TMEM45B: variants seen among roughly 807,000 people sequenced by gnomAD.
TMEM45B encodes transmembrane protein 45B.
Under a neutral mutation model 27.3 loss-of-function variants are expected in TMEM45B, and 29 were observed. The ratio of observed to expected loss-of-function variants is 1.06; its 90% confidence interval spans 0.79 to 1.45. The LOEUF is 1.45. TMEM45B is among the 40% of genes most tolerant of loss of function. TMEM45B has a pLI of 0.00. For missense variants in TMEM45B, 348 were observed against 343.9 expected, an observed-to-expected ratio of 1.01 and a Z score of -0.09; for synonymous variants, 143 against 134.7, an observed-to-expected ratio of 1.06 and a Z score of -0.43.
intron 1 of TMEM45B, among the ~76,000 whole-genome samples, chr11:129,838,338 C>T (rs765751957): frequency 4.6e-5 from 7 of 152,180 alleles, no homozygotes; most frequent in South Asian, 2.1e-4. Context: ...GAAGCCAGGG[C>T]GCCACCACCA....
chr11:129,824,750 T>A (rs1947458876), intron 1 of TMEM45B, among the ~76,000 whole-genome samples: 1 of 152,256 alleles, frequency 6.6e-6, no homozygotes, highest in Non-Finnish European at 1.5e-5. Flanking sequence ...CACTATATAA[T>A]TTTAATATAA....
chr11:129,828,306 G>A (rs991741544), intron 1 of TMEM45B: 1 of 152,176 alleles, frequency 6.6e-6, no homozygotes, highest in African/African-American at 2.4e-5. Context: ...GTGAAATCGT[G>A]CCAGAACAAG....
intron 3 of TMEM45B, among the ~76,000 whole-genome samples, chr11:129,855,243 T>C (rs1396548038): frequency 6.6e-6 from 1 of 152,150 alleles, no homozygotes; most frequent in African/African-American, 2.4e-5. Flanking sequence ...CTCTACCTTT[T>C]GCCCAGGGAG....
rs772606174 is a variant in TMEM45B at position 129,857,315 on chromosome 11, T to A, written c.573T>A (p.Ile191=). The change falls in exon 5 of 6, where the codon ATT becomes ATA. Residue 191 remains isoleucine (I), a splice_region_variant and synonymous_variant. Transcript: ENST00000281441. ...AACTTCTCTCTGTAATCCCCTAGATTGGGTTTGTGCTGTTCCCACCTTTTG... is the reference window on the plus strand; with the variant it reads ...AACTTCTCTCTGTAATCCCCTAGATAGGGTTTGTGCTGTTCCCACCTTTTG... ...IILQGTWFWQ[I]GFVLFPPFGT... 6.2e-7 allele frequency: 1 copy of A among 1,613,904 alleles called. No homozygotes were observed. Among genetic ancestry groups the A allele is most frequent in the Non-Finnish European group, 8.5e-7 (1 of 1,179,926 alleles).
rs759790508 is a variant in TMEM45B, at chr11:129,857,314, T to C, written c.572T>C (p.Ile191Thr). Residue 191 changes from isoleucine to threonine, a missense_variant and splice_region_variant, in exon 5 of 6, where the codon ATT (isoleucine) becomes ACT (threonine). Physicochemically the swap from Ile to Thr is moderately conservative, Grantham distance 89 (BLOSUM62 -1). Coordinates refer to ENST00000281441, the MANE Select transcript of TMEM45B (RefSeq NM_138788.5). ...IILQGTWFWQ[I>T]GFVLFPPFGT... Reference sequence around the variant, plus strand: ...CAACTTCTCTCTGTAATCCCCTAGATTGGGTTTGTGCTGTTCCCACCTTTT... The same window carrying C: ...CAACTTCTCTCTGTAATCCCCTAGACTGGGTTTGTGCTGTTCCCACCTTTT... 6.2e-7 allele frequency: 1 copy of C among 1,614,016 alleles called. No individual in the cohort carries two copies. The highest frequency in any genetic ancestry group is 1.1e-5 in the South Asian group (1 of 91,052).
At chr11:129,842,494 A>G (rs1947708240) in intron 1 of TMEM45B, among the ~76,000 whole-genome samples, 1 of 152,248 alleles carries the variant, frequency 6.6e-6, no homozygotes. Context: ...ACCCACTCAT[A>G]TAAGGTTAAC....
At chr11:129,857,558 C>T in intron 5 of TMEM45B, 100 bp downstream of exon 5, 1 of 1,363,794 alleles carries the variant, frequency 7.3e-7, no homozygotes, top group Non-Finnish European at 1.0e-6. Flanking sequence ...AGGCCAAATT[C>T]TGTGCAAGGT....
At chr11:129,847,096 GA>G (rs1481242235) in intron 1 of TMEM45B, among the ~76,000 whole-genome samples, 1 of 152,338 alleles carries the variant, frequency 6.6e-6, no homozygotes, top group African/African-American at 2.4e-5. Flanking sequence ...GGGTGGGGAA[GA>G]GGGAGAGGCT....
intron 1 of TMEM45B, among the ~76,000 whole-genome samples, chr11:129,843,163 A>T (rs926153088): frequency 6.6e-6 from 1 of 152,188 alleles, no homozygotes; most frequent in African/African-American, 2.4e-5. Flanking sequence ...CTGGTCTTGA[A>T]TTCCTCACCT....
At chr11:129,845,974 A>C (rs993486893) in intron 1 of TMEM45B, among the ~76,000 whole-genome samples, 1 of 152,256 alleles carries the variant, frequency 6.6e-6, no homozygotes, top group African/African-American at 2.4e-5. Flanking sequence ...ACAGACAGCC[A>C]GTTCAATTTT....
intron 1 of TMEM45B, among the ~76,000 whole-genome samples, chr11:129,819,979 G>GA (rs1179995903): frequency 1.4e-4 from 21 of 152,176 alleles, no homozygotes; most frequent in Non-Finnish European, 2.5e-4. Context: ...GAACCAGAGA[G>GA]AATCTAGTGT....
At position 129,852,623 on chromosome 11, in the gene TMEM45B, C is replaced by T. The variant is rs1947864411; in HGVS notation, c.141C>T (p.Ile47=). 4 of 1,611,962 alleles carry T rather than the reference C, an allele frequency of 2.5e-6. No homozygotes were observed. The highest frequency in any genetic ancestry group is 1.7e-6 in the Non-Finnish European group (2 of 1,178,292). The stretch of plus-strand genomic sequence containing the variant: ...TACATTACTATCAGCGTCTCGAGAT[C>T]GTCGAAGCCGCAATTAGGACTTTGT... The part of the protein sequence containing the change: ...SPLHYYQRLE[I]VEAAIRTLFS... The change falls in exon 2 of 6, where the codon ATC becomes ATT. Residue 47 remains isoleucine, a synonymous_variant. Coordinates refer to ENST00000281441, the MANE Select transcript of TMEM45B (RefSeq NM_138788.5).
At chr11:129,830,571 G>T (rs2135563550) in intron 1 of TMEM45B, among the ~76,000 whole-genome samples, 1 of 152,236 alleles carries the variant, frequency 6.6e-6, no homozygotes, top group East Asian at 1.9e-4. Context: ...GAAAATATTT[G>T]CAAATAATAT....
intron 1 of TMEM45B, among the ~76,000 whole-genome samples, chr11:129,822,787 T>C (rs1017937223): frequency 6.6e-6 from 1 of 152,148 alleles, no homozygotes; most frequent in African/African-American, 2.4e-5. Context: ...GTACAACTAA[T>C]TTACTTTTTG....
At position 129,858,805 on chromosome 11, in the gene TMEM45B, T is replaced by G. The variant is rs978508477; in HGVS notation, c.*120T>G. On this transcript the variant is annotated 3_prime_UTR_variant, in exon 6 of 6. Transcript: ENST00000281441. ...GGGTCTATATATTTGCACCTCCTCATTCAACACAGGGCTGGAGGTTCTACA... is the reference window on the plus strand; with the variant it reads ...GGGTCTATATATTTGCACCTCCTCAGTCAACACAGGGCTGGAGGTTCTACA... The G allele has an allele frequency of 7.7e-6, 5 of 651,750 alleles. No individual in the cohort carries two copies. The African/African-American group carries it at 9.1e-5, about 12-fold the overall frequency. The allele number at this position is 651,750 out of a possible 1,614,324, so 40.4% of individuals were successfully genotyped here.
intron 4 of TMEM45B, among the ~76,000 whole-genome samples, chr11:129,857,084 C>A: frequency 6.6e-6 from 1 of 151,872 alleles, no homozygotes; most frequent in East Asian, 1.9e-4. Context: ...GAACTCCTAA[C>A]CTTGTAAACC....
At position 129,824,783 on chromosome 11, in the gene TMEM45B, T is replaced by C. The variant is rs188077650; in HGVS notation, c.-9+8885T>C. On this transcript the variant is annotated intron_variant, in intron 1 of 5. Coordinates refer to ENST00000281441, the MANE Select transcript of TMEM45B (RefSeq NM_138788.5). ...TAACATGGTAAGTGATAAAAAATCA[T>C]GGTATGTATGAGGTCCTTTGAAAAC... is the stretch of plus-strand genomic sequence containing the variant. 6.8e-4 allele frequency among the ~76,000 whole-genome samples: 103 copies of C among 152,336 alleles called. 1 individual carries two copies. The highest frequency in any genetic ancestry group is 6.6e-3 in the Admixed American group (101 of 15,300).
In TMEM45B at chr11:129,859,827, GCAAA is replaced by G. The variant is rs1947984110; in HGVS notation, c.*1145_*1148del. On this transcript the variant is annotated 3_prime_UTR_variant, in exon 6 of 6. Coordinates refer to ENST00000281441, the MANE Select transcript of TMEM45B (RefSeq NM_138788.5). The stretch of plus-strand genomic sequence containing the variant: ...GAGCAAGACTCTGTCTCAAAAACAA[GCAAA>G]CAGACTTCCTTCAACAAATATTTAT... The G allele has an allele frequency of 2.0e-5, 3 of 152,246 alleles. No individual in the cohort carries two copies. The highest frequency in any genetic ancestry group is 2.9e-5 in the Non-Finnish European group (2 of 68,060). The allele number at this position is 152,246 out of a possible 1,614,324, so 9.4% of individuals were successfully genotyped here.
chr11:129,857,249 G>A, intron 4 of TMEM45B, 64 bp from the exon 5 acceptor site: 1 of 1,590,898 alleles, frequency 6.3e-7, no homozygotes, highest in Non-Finnish European at 8.6e-7. Flanking sequence ...GGCCACAGGA[G>A]AACGGCTAGA....
Sources: allele counts gnomAD v4.1 joint callset (sites outside exome capture counted in the v4.1 genomes callset), GRCh38; gene constraint gnomAD v4.1.1; transcripts MANE v1.5; gene names NCBI Gene and HGNC (gene_info 2026-07-23, HGNC 2026-07-21).